Variants in TMTC1 observed in about 807,000 individuals in gnomAD.
TMTC1 encodes the protein transmembrane O-mannosyltransferase targeting cadherins 1.
A neutral mutation model predicts 104.8 loss-of-function variants in TMTC1; 73 were observed. The ratio of observed to expected loss-of-function variants is 0.70; its 90% CI spans 0.58 to 0.85. The LOEUF (loss-of-function observed/expected upper bound fraction) is 0.85, where lower values mean the gene tolerates loss of function less well. TMTC1 is among the 40% of genes least tolerant of loss of function. The pLI is 0.00. For synonymous variants in TMTC1, 434 were observed against 428.7 expected (o/e 1.01, Z -0.15); for missense variants, 1,035 against 1,096.1 (o/e 0.94, Z 0.79).
At chr12:29,509,257 T>G (rs1209223687) in intron 17 of TMTC1, among the ~76,000 whole-genome samples, 2 of 152,236 alleles carry the variant, frequency 1.3e-5, no homozygotes, top group African/African-American at 4.8e-5. Context: ...AACTCTTTGA[T>G]GATAAAAAAT....
intron 4 of TMTC1, among the ~76,000 whole-genome samples, chr12:29,753,440 G>A (rs934307161): frequency 7.9e-5 from 12 of 152,194 alleles, no homozygotes; most frequent in Non-Finnish European, 1.6e-4. Context: ...TGTGAATCTG[G>A]AGCCACGCGG....
chr12:29,779,499 A>G (rs1943785148), intron 1 of TMTC1, among the ~76,000 whole-genome samples: 1 of 152,226 alleles, frequency 6.6e-6, no homozygotes, highest in African/African-American at 2.4e-5. Flanking sequence ...CTTACTTGAA[A>G]AAATACATAA....
At chr12:29,629,680 G>A (rs1477559490) in intron 6 of TMTC1, among the ~76,000 whole-genome samples, 3 of 152,190 alleles carry the variant, frequency 2.0e-5, no homozygotes, top group East Asian at 1.9e-4. Flanking sequence ...GGAAAGCTGA[G>A]AGTGATTACT....
chr12:29,607,747 A>G (rs563092388), intron 6 of TMTC1, among the ~76,000 whole-genome samples: 22 of 152,290 alleles, frequency 1.4e-4, no homozygotes, highest in African/African-American at 5.1e-4. Flanking sequence ...TTGGACAGGC[A>G]ATATTATCCC....
intron 9 of TMTC1, among the ~76,000 whole-genome samples, chr12:29,563,745 G>A (rs1945437923): frequency 6.6e-6 from 1 of 152,196 alleles, no homozygotes; most frequent in African/African-American, 2.4e-5. Flanking sequence ...TCACAAGCAT[G>A]TATAAAGCAC....
chr12:29,714,937 G>A (rs1385382096), intron 5 of TMTC1, among the ~76,000 whole-genome samples: 1 of 152,164 alleles, frequency 6.6e-6, no homozygotes. Context: ...GCCATTTCTA[G>A]TTCTGTTTCC....
intron 5 of TMTC1, among the ~76,000 whole-genome samples, chr12:29,705,743 G>A (rs1262268358): frequency 6.6e-6 from 1 of 151,932 alleles, no homozygotes; most frequent in Non-Finnish European, 1.5e-5. Context: ...TTTCTCACTT[G>A]TCAATCTGTC....
intron 5 of TMTC1, among the ~76,000 whole-genome samples, chr12:29,705,504 G>A (rs143006182): frequency 1.5e-3 from 225 of 152,146 alleles, no homozygotes; most frequent in Non-Finnish European, 2.4e-3. Flanking sequence ...CACTGGAGAC[G>A]CATCAGTGGA....
chr12:29,711,006 A>G (rs911679793), intron 5 of TMTC1, among the ~76,000 whole-genome samples: 1 of 147,522 alleles, frequency 6.8e-6, no homozygotes. Flanking sequence ...CCCTCAGAGC[A>G]GGGTCTCACT....
intron 5 of TMTC1, among the ~76,000 whole-genome samples, chr12:29,702,420 G>A (rs1303861024): frequency 5.3e-5 from 8 of 152,190 alleles, no homozygotes; most frequent in Non-Finnish European, 1.2e-4. Flanking sequence ...CCTTGAGGTG[G>A]TTGGACTTGG....
In TMTC1 at chr12:29,779,910, T is replaced by C. The variant is rs74082534; in HGVS notation, c.302+3540A>G. 1.5e-3 allele frequency among the ~76,000 whole-genome samples: 230 copies of C among 152,306 alleles called. 1 individual carries two copies. The highest frequency in any genetic ancestry group is 5.2e-3 in the African/African-American group (215 of 41,544). ...CTTTGGTTTAATATCAGATGTTCAA[T>C]AGCTTCACCCATTAGGGAATGGTAA... On this transcript the variant is annotated intron_variant, in intron 1 of 17. Transcript: ENST00000539277.
chr12:29,692,699 T>C lies in TMTC1; in HGVS notation c.938+58967A>G, dbSNP rs1045998059. 6.9e-5 allele frequency among the ~76,000 whole-genome samples: 10 copies of C among 145,314 alleles called. 1 individual carries two copies. The highest frequency in any genetic ancestry group is 1.4e-4 in the Admixed American group (2 of 14,080). On this transcript the variant is annotated intron_variant, in intron 5 of 17. Transcript: ENST00000539277. ...ACACAAACACTTATATGTGAATGTA[T>C]AGAGTATTATTCACGACAGCCCCAA...
chr12:29,728,578 G>A (rs531174169), intron 5 of TMTC1, among the ~76,000 whole-genome samples: 15 of 152,112 alleles, frequency 9.9e-5, no homozygotes, highest in Admixed American at 2.0e-4. Flanking sequence ...TCTATCCCTC[G>A]TCACACAAAG....
intron 8 of TMTC1, among the ~76,000 whole-genome samples, chr12:29,582,081 G>A (rs920511829): frequency 6.6e-6 from 1 of 152,184 alleles, no homozygotes. Flanking sequence ...TATGTAATAC[G>A]TAATAATACA....
At position 29,501,315 on chromosome 12, in the gene TMTC1, C is replaced by G. The variant is rs1943586347; in HGVS notation, c.*5531G>C. The G allele has an allele frequency of 6.6e-6, 1 of 152,134 alleles. No individual in the cohort carries two copies. Among genetic ancestry groups the G allele is most frequent in the African/African-American group, 2.4e-5 (1 of 41,422 alleles). The allele number at this position is 152,134 out of a possible 1,614,324, so 9.4% of individuals were successfully genotyped here. ...AGGGTTGTATCATTTAAAAAAGGGG[C>G]AACATTTATGAATTATCTCATCAGA... On this transcript the variant is annotated 3_prime_UTR_variant, in exon 18 of 18. Coordinates refer to ENST00000539277, the MANE Select transcript of TMTC1 (RefSeq NM_001193451.2).
chr12:29,739,267 G>T (rs150167879), intron 5 of TMTC1, among the ~76,000 whole-genome samples: 50 of 152,072 alleles, frequency 3.3e-4, no homozygotes, highest in African/African-American at 1.1e-3. Flanking sequence ...GCCCTGAGCT[G>T]CTTGCTCATA....
chr12:29,741,607 T>G (rs191814676), intron 5 of TMTC1, among the ~76,000 whole-genome samples: 2 of 152,184 alleles, frequency 1.3e-5, no homozygotes, highest in African/African-American at 4.8e-5. Flanking sequence ...GTGCTATCTC[T>G]CATTTCTTTG....
At chr12:29,666,160 A>T (rs1313593664) in intron 5 of TMTC1, 2 of 431,760 alleles carry the variant, frequency 4.6e-6, no homozygotes, top group African/African-American at 4.2e-5. Flanking sequence ...ATGATCAATA[A>T]ATGCTTACTG....
At chr12:29,553,126 T>C (rs1170157257) in intron 10 of TMTC1, among the ~76,000 whole-genome samples, 3 of 152,226 alleles carry the variant, frequency 2.0e-5, no homozygotes, top group African/African-American at 7.2e-5. Flanking sequence ...AACAGTCTAA[T>C]ATTATGTAAT....
Sources: allele counts gnomAD v4.1 joint callset (sites outside exome capture counted in the v4.1 genomes callset), GRCh38; gene constraint gnomAD v4.1.1; transcripts MANE v1.5; gene names NCBI Gene and HGNC (gene_info 2026-07-23, HGNC 2026-07-21).